The following CA10 variants were observed in gnomAD, a reference collection of about 807,000 sequenced individuals.
CA10 encodes the protein carbonic anhydrase 10 (inactive), also known as carbonic anhydrase-related protein 10.
CA10 carries 14 observed loss-of-function variants against 44.2 expected under a neutral mutation model. That is an observed-to-expected ratio of 0.32 (90% confidence interval 0.21 to 0.50). CA10 has a LOEUF of 0.50. Among genes scored for constraint, CA10 ranks in the 20% least tolerant of loss-of-function variants. The probability of loss-of-function intolerance (pLI) is 0.99; values close to 1 mark genes in which losing one functional copy is unlikely to be tolerated. For missense variants in CA10, 350 were observed against 409.7 expected, an observed-to-expected ratio of 0.85 and a Z score of 1.26; for synonymous variants, 159 against 141.6, an observed-to-expected ratio of 1.12 and a Z score of -0.87.
chr17:52,009,060 C>T (rs531216299), intron 2 of CA10, among the ~76,000 whole-genome samples: 3 of 152,082 alleles, frequency 2.0e-5, no homozygotes, highest in Non-Finnish European at 4.4e-5. Flanking sequence ...TAGTCTATCT[C>T]ATCTCTATAG....
intron 3 of CA10, among the ~76,000 whole-genome samples, chr17:51,831,463 G>A (rs1256212213): frequency 1.3e-5 from 2 of 152,150 alleles, no homozygotes; most frequent in Non-Finnish European, 2.9e-5. Flanking sequence ...CAAAGTATCA[G>A]TAAGGATTCA....
Position 51,801,280 on chromosome 17 carries a change from T to C in CA10, c.280-53462A>G, listed in dbSNP as rs187644942. Among the ~76,000 whole-genome samples, 13 of 152,120 alleles carry C rather than the reference T, an allele frequency of 8.5e-5. No homozygotes were observed. The East Asian group carries it at 2.5e-3, about 29-fold the overall frequency. On this transcript the variant is annotated intron_variant, in intron 3 of 8. Coordinates refer to ENST00000451037, the MANE Select transcript of CA10 (RefSeq NM_020178.5). ...GTCAGAGCTGTTGACTAACGGACAA[T>C]AGGATGCATGAAAGGTCCACCCATC...
chr17:51,636,717 G>A (rs141167743), intron 6 of CA10, among the ~76,000 whole-genome samples: 1 of 151,352 alleles, frequency 6.6e-6, no homozygotes. Context: ...GGATAGAAAA[G>A]TAAATCAGGC....
chr17:52,051,601 C>T (rs887008666), intron 2 of CA10, among the ~76,000 whole-genome samples: 1 of 152,034 alleles, frequency 6.6e-6, no homozygotes, highest in African/African-American at 2.4e-5. Flanking sequence ...CATCTCACAC[C>T]AATCAGAATG....
chr17:51,992,476 C>T lies in CA10; in HGVS notation c.137-61344G>A, dbSNP rs1276778056. Among the ~76,000 whole-genome samples, 5 of 152,064 alleles carry T rather than the reference C, an allele frequency of 3.3e-5. No individual in the cohort carries two copies. The South Asian group carries it at 1.0e-3, about 32-fold the overall frequency. On this transcript the variant is annotated intron_variant, in intron 2 of 8. Transcript: ENST00000451037. ...CAGTTCCTGATATATAGGAAGTACA[C>T]AAAACTTGTAAAGTAAATACATGCT...
Position 51,631,354 on chromosome 17 carries a change from G to GTGTT in CA10, c.*226_*229dup. ...TGTGTGTGTGTAGGTATGTTTGCAT[G>GTGTT]TGTTTGTATGTATGTGCAAGTGCTT... is the stretch of plus-strand genomic sequence containing the variant. On this transcript the variant is annotated 3_prime_UTR_variant, in exon 9 of 9. Transcript: ENST00000451037. 1.7e-6 allele frequency: 1 copy of GTGTT among 579,762 alleles called. No individual in the cohort carries two copies. The highest frequency in any genetic ancestry group is 2.8e-5 in the East Asian group (1 of 35,436). 35.9% of individuals were successfully genotyped at this position (579,762 alleles called of 1,614,324 possible). A position where few individuals can be genotyped will look rare whatever the true frequency, so the allele number is the denominator to read the frequency against.
At chr17:52,119,107 T>C (rs1265675793) in intron 1 of CA10, among the ~76,000 whole-genome samples, 2 of 152,356 alleles carry the variant, frequency 1.3e-5, no homozygotes, top group East Asian at 3.9e-4. Context: ...AGGAACCTTA[T>C]GTTCAGCTAT....
At chr17:51,763,178 C>T (rs1905263016) in intron 3 of CA10, 1 of 152,218 alleles carries the variant, frequency 6.6e-6, no homozygotes, top group Admixed American at 6.5e-5. Flanking sequence ...ATGTGGCTCA[C>T]TTTCTGCAAC....
chr17:52,041,714 C>T (rs62068604), intron 2 of CA10, among the ~76,000 whole-genome samples: 19,151 of 152,074 alleles, frequency 0.13, 1,709 homozygotes, highest in East Asian at 0.3. Context: ...TACTCTTTGA[C>T]GAACATCTCC....
At chr17:52,139,595 T>C (rs1388500409) in intron 1 of CA10, among the ~76,000 whole-genome samples, 2 of 152,068 alleles carry the variant, frequency 1.3e-5, no homozygotes. Flanking sequence ...CTCTCTGAGC[T>C]TCCTTTTTCT....
At chr17:51,712,851 A>G (rs1915985499) in intron 4 of CA10, among the ~76,000 whole-genome samples, 1 of 152,230 alleles carries the variant, frequency 6.6e-6, no homozygotes, top group South Asian at 2.1e-4. Context: ...GGGGTTTGCC[A>G]AAAACAAAGT....
chr17:51,699,522 G>T (rs958751691), intron 4 of CA10, among the ~76,000 whole-genome samples: 4 of 152,028 alleles, frequency 2.6e-5, no homozygotes, highest in African/African-American at 9.7e-5. Context: ...GGTGGCTACT[G>T]GTCCCTCATG....
At chr17:51,828,634 C>T (rs1016539080) in intron 3 of CA10, among the ~76,000 whole-genome samples, 3 of 152,136 alleles carry the variant, frequency 2.0e-5, no homozygotes, top group Non-Finnish European at 2.9e-5. Flanking sequence ...CCAGTAAATT[C>T]CACCATTGAA....
intron 4 of CA10, among the ~76,000 whole-genome samples, chr17:51,672,017 T>C (rs1054399606): frequency 1.3e-5 from 2 of 152,206 alleles, no homozygotes; most frequent in Non-Finnish European, 2.9e-5. Flanking sequence ...CTTAGGGCAT[T>C]GAGTTAACCT....
intron 1 of CA10, among the ~76,000 whole-genome samples, chr17:52,119,465 C>T (rs563813467): frequency 6.6e-6 from 1 of 152,154 alleles, no homozygotes; most frequent in Admixed American, 6.5e-5. Context: ...GGTTCCTGAC[C>T]CATGGTAAGT....
chr17:51,849,252 T>C (rs1484345106), intron 3 of CA10, among the ~76,000 whole-genome samples: 3 of 137,214 alleles, frequency 2.2e-5, no homozygotes, highest in Admixed American at 7.6e-5. Context: ...TATATATATA[T>C]ATATATATAT....
At chr17:52,099,960 C>T (rs1427431097) in intron 1 of CA10, among the ~76,000 whole-genome samples, 1 of 152,080 alleles carries the variant, frequency 6.6e-6, no homozygotes, top group Non-Finnish European at 1.5e-5. Context: ...ATGATAGTGG[C>T]CCTAGTGGAG....
At chr17:51,920,281 T>C (rs1318323026) in intron 3 of CA10, among the ~76,000 whole-genome samples, 1 of 151,930 alleles carries the variant, frequency 6.6e-6, no homozygotes, top group Non-Finnish European at 1.5e-5. Flanking sequence ...TGTTCCTTGG[T>C]CATATGTATA....
At chr17:51,885,385 C>T (rs924851358) in intron 3 of CA10, among the ~76,000 whole-genome samples, 6 of 152,192 alleles carry the variant, frequency 3.9e-5, no homozygotes, top group Non-Finnish European at 5.9e-5. Flanking sequence ...TCATCACTTC[C>T]CTCAGTATCT....
Sources: allele counts gnomAD v4.1 joint callset (sites outside exome capture counted in the v4.1 genomes callset), GRCh38; gene constraint gnomAD v4.1.1; transcripts MANE v1.5; gene names NCBI Gene and HGNC (gene_info 2026-07-23, HGNC 2026-07-21).